The following PKHD1L1 variants were observed in gnomAD, a reference collection of about 807,000 sequenced individuals.
PKHD1L1 encodes PKHD1 like 1.
A neutral mutation model predicts 462.9 loss-of-function variants in PKHD1L1; 434 were observed. The ratio of observed to expected loss-of-function variants is 0.94; its 90% CI spans 0.87 to 1.02. The LOEUF is 1.02. Ranked by LOEUF, PKHD1L1 falls within the 50% of genes least tolerant of loss-of-function variation. The pLI, the probability that PKHD1L1 is intolerant of heterozygous loss-of-function variation, is 0.00. For synonymous variants in PKHD1L1, 1,781 were observed against 1,750.0 expected, an observed-to-expected ratio of 1.02 and a Z score of -0.44; for missense variants, 5,202 against 5,096.1, an observed-to-expected ratio of 1.02 and a Z score of -0.63.
chr8:109,452,123 G>A lies in PKHD1L1; in HGVS notation c.6351-1G>A, dbSNP rs746166939. The A allele has an allele frequency of 5.0e-6, 8 of 1,606,808 alleles. No homozygotes were observed. Among genetic ancestry groups the A allele is most frequent in the Middle Eastern group, 3.3e-4 (2 of 6,054 alleles). The stretch of plus-strand genomic sequence containing the variant: ...TGTTATGTTTTCCCTCTTTTTTACA[G>A]TGAAAATATGGAGGATGTTCATATC... On this transcript the variant is annotated splice_acceptor_variant, in intron 41 of 77. Transcript: ENST00000378402. LOFTEE classifies it high-confidence loss of function.
intron 23 of PKHD1L1, among the ~76,000 whole-genome samples, chr8:109,424,105 G>T (rs570562463): frequency 6.6e-6 from 1 of 151,956 alleles, no homozygotes; most frequent in African/African-American, 2.4e-5. Context: ...TCCTTGAACC[G>T]CTCTTCTTTC....
chr8:109,363,763 C>A (rs1811092838), intron 1 of PKHD1L1, among the ~76,000 whole-genome samples: 1 of 152,166 alleles, frequency 6.6e-6, no homozygotes, highest in African/African-American at 2.4e-5. Context: ...GACAACTGGT[C>A]CAGTCTAATT....
chr8:109,461,777 T>C lies in PKHD1L1; in HGVS notation c.7252T>C (p.Phe2418Leu), dbSNP rs1817144830. The C allele has an allele frequency of 6.2e-7, 1 of 1,605,480 alleles. No homozygotes were observed. The highest frequency in any genetic ancestry group is 8.5e-7 in the Non-Finnish European group (1 of 1,176,560). The part of the protein sequence containing the change: ...ACPDGFDTGE[F>L]ATQTCLQGKF... ...CTTTAAAAACTGTTTTGAAGGAGAA[T>C]TTGCTACACAGACCTGTCTCCAAGG... is the stretch of plus-strand genomic sequence containing the variant. Residue 2418 changes from phenylalanine (F) to leucine (L), a missense_variant, in exon 48 of 78, where the codon TTT becomes CTT. Physicochemically the swap from Phe to Leu is conservative, Grantham distance 22. Transcript: ENST00000378402.
intron 74 of PKHD1L1, 144 bp downstream of exon 74, chr8:109,522,481 C>T (rs908177005): frequency 1.9e-5 from 20 of 1,055,180 alleles, no homozygotes; most frequent in African/African-American, 9.9e-5. Flanking sequence ...TTTATAGGCT[C>T]GCTAAAATGA....
In PKHD1L1 at chr8:109,485,181, G is replaced by GA; in HGVS notation, c.9706+9dup. The GA allele has an allele frequency of 6.4e-7, 1 of 1,553,706 alleles. No homozygotes were observed. The highest frequency in any genetic ancestry group is 1.2e-5 in the South Asian group (1 of 81,152). On this transcript the variant is annotated intron_variant, in intron 58 of 77. Transcript: ENST00000378402. ...TTTCCTATACTCACTTTGGTAAGTGGATGCTTTTTAACCAAATAGATATAT... is the reference window on the plus strand; with the variant it reads ...TTTCCTATACTCACTTTGGTAAGTGGAATGCTTTTTAACCAAATAGATATAT...
At chr8:109,408,545 T>A (rs1813680626) in intron 18 of PKHD1L1, among the ~76,000 whole-genome samples, 1 of 152,182 alleles carries the variant, frequency 6.6e-6, no homozygotes, top group Non-Finnish European at 1.5e-5. Flanking sequence ...AAATCAGAAA[T>A]TCCTTGAGAG....
chr8:109,426,857 T>C lies in PKHD1L1; in HGVS notation c.2846-145T>C, dbSNP rs912091942. On this transcript the variant is annotated intron_variant, in intron 24 of 77. Transcript: ENST00000378402. ...TAGTAGAGACGGGGTTTTACCATGT[T>C]GGCCAGGCTGATCTCAAACGCCTGA... The C allele has an allele frequency of 6.5e-6, 4 of 611,428 alleles. No homozygotes were observed. In the African/African-American group the frequency reaches 7.4e-5, roughly 11 times the overall value. The allele number at this position is 611,428 out of a possible 1,614,324, so 37.9% of individuals were successfully genotyped here. A position where few individuals can be genotyped will look rare whatever the true frequency, so the allele number is the denominator to read the frequency against.
chr8:109,502,780 G>C (rs899079020), intron 67 of PKHD1L1, among the ~76,000 whole-genome samples: 1 of 152,254 alleles, frequency 6.6e-6, no homozygotes, highest in Non-Finnish European at 1.5e-5. Context: ...GAATAGGGCA[G>C]AGGAAGGAGC....
In PKHD1L1 at chr8:109,507,836, C is replaced by T. The variant is rs371965785; in HGVS notation, c.11168C>T (p.Ala3723Val). Residue 3723 changes from alanine (A) to valine (V), a missense_variant, in exon 69 of 78, where the codon GCG becomes GTG. By Grantham distance (64) the Ala-to-Val change is moderately conservative. Transcript: ENST00000378402. ...ATTGGAGACTACAGAATTCCTAAGG[C>T]GATGCTCACATTCTTGAATGGAAGT... Reference protein sequence around the residue: ...VGIGDYRIPKAMLTFLNGSRI... With the variant: ...VGIGDYRIPKVMLTFLNGSRI... 7.0e-5 allele frequency: 113 copies of T among 1,613,350 alleles called. No homozygotes were observed. The highest frequency in any genetic ancestry group is 8.1e-5 in the Non-Finnish European group (96 of 1,179,662).
chr8:109,367,884 T>G (rs1401503545), intron 2 of PKHD1L1, among the ~76,000 whole-genome samples: 1 of 152,186 alleles, frequency 6.6e-6, no homozygotes, highest in Non-Finnish European at 1.5e-5. Context: ...GCCTGGGTGA[T>G]GGAGTGAAAC....
chr8:109,470,629 T>C, intron 50 of PKHD1L1: 1 of 1,551,704 alleles, frequency 6.4e-7, no homozygotes, highest in Non-Finnish European at 8.7e-7. Context: ...TAGCTCAGTG[T>C]CCCAACTAGA....
intron 17 of PKHD1L1, among the ~76,000 whole-genome samples, chr8:109,406,768 C>A (rs1000117502): frequency 1.3e-5 from 2 of 151,866 alleles, no homozygotes; most frequent in African/African-American, 4.8e-5. Context: ...AAAATTTAGG[C>A]AAATCACTAT....
intron 50 of PKHD1L1, chr8:109,470,519 A>G: frequency 6.2e-7 from 1 of 1,610,922 alleles, no homozygotes; most frequent in Non-Finnish European, 8.5e-7. Context: ...GAAAGGGAAA[A>G]GAAGCAGGGA....
At chr8:109,432,693 A>G (rs1332588505) in intron 27 of PKHD1L1, among the ~76,000 whole-genome samples, 16 of 152,208 alleles carry the variant, frequency 1.1e-4, no homozygotes, top group Admixed American at 1.0e-3. Flanking sequence ...TTTCTTTTCA[A>G]ATGGGAAGTG....
chr8:109,410,973 C>T (rs181499529), intron 19 of PKHD1L1, among the ~76,000 whole-genome samples: 9 of 151,882 alleles, frequency 5.9e-5, no homozygotes, highest in East Asian at 1.9e-4. Flanking sequence ...GTGATCCGCA[C>T]GTCTTGGCCT....
At position 109,459,468 on chromosome 8, in the gene PKHD1L1, T is replaced by C. The variant is rs185125793; in HGVS notation, c.7005-127T>C. On this transcript the variant is annotated intron_variant, in intron 46 of 77. Coordinates refer to ENST00000378402, the MANE Select transcript of PKHD1L1 (RefSeq NM_177531.6). ...TATTTTTTCTAATTTCTGTTCAGAA[T>C]ATTATATGACATAAGAATAGTTTCC... 115 of 628,342 alleles carry C rather than the reference T, an allele frequency of 1.8e-4. No individual in the cohort carries two copies. The East Asian group carries it at 2.7e-3, about 15-fold the overall frequency. 38.9% of individuals were successfully genotyped at this position (628,342 alleles called of 1,614,324 possible).
At chr8:109,386,918 CAGTGAGATGG>C in intron 6 of PKHD1L1, among the ~76,000 whole-genome samples, 1 of 152,078 alleles carries the variant, frequency 6.6e-6, no homozygotes, top group Admixed American at 6.6e-5. Flanking sequence ...CACAGAATTG[CAGTGAGATGG>C]GACATTAGAG....
chr8:109,461,632 G>A (rs1817129543), intron 47 of PKHD1L1, 140 bp from the exon 48 acceptor site: 13 of 887,918 alleles, frequency 1.5e-5, no homozygotes, highest in Non-Finnish European at 2.0e-5. Context: ...AAGAGGAAAT[G>A]ATGTGAATGC....
chr8:109,470,667 A>C (rs1817670325), intron 50 of PKHD1L1: 16 of 1,579,042 alleles, frequency 1.0e-5, no homozygotes, highest in Non-Finnish European at 1.1e-5. Context: ...CAAAGTCAGT[A>C]AGCTGAGAAA....
Sources: gnomAD v4.1 joint callset for allele counts (sites outside exome capture counted in the v4.1 genomes callset) on GRCh38, gnomAD v4.1.1 for gene constraint, MANE v1.5 for transcripts, NCBI Gene and HGNC (gene_info 2026-07-23, HGNC 2026-07-21) for gene names.